The following GALNT14 variants were observed in gnomAD, a reference collection of about 807,000 sequenced individuals.
The protein encoded by GALNT14 is UDP-GalNAc:polypeptide N-acetylgalactosaminyltransferase 14.
In GALNT14, 60 loss-of-function variants were observed where a neutral mutation model predicts 77.5. The ratio of observed to expected loss-of-function variants is 0.77; its 90% CI spans 0.63 to 0.96. The LOEUF is 0.96. GALNT14 is among the 40% of genes least tolerant of loss of function. The pLI, the probability that GALNT14 is intolerant of heterozygous loss-of-function variation, is 0.00. For synonymous variants in GALNT14, 280 were observed against 281.7 expected (o/e 0.99, Z 0.06); for missense variants, 710 against 731.0 (o/e 0.97, Z 0.33).
chr2:30,959,114 C>A (rs557551439), intron 3 of GALNT14, among the ~76,000 whole-genome samples: 2 of 152,288 alleles, frequency 1.3e-5, no homozygotes, highest in South Asian at 2.1e-4. Flanking sequence ...CCTGCTGCTG[C>A]CGCTGCTTGA....
At chr2:30,980,110 T>G (rs1206907866) in intron 2 of GALNT14, among the ~76,000 whole-genome samples, 1 of 152,178 alleles carries the variant, frequency 6.6e-6, no homozygotes, top group Non-Finnish European at 1.5e-5. Context: ...TCTAAGGACT[T>G]CCCTGCTCAC....
intron 6 of GALNT14, among the ~76,000 whole-genome samples, chr2:30,949,435 G>GAT (rs1357111246): frequency 6.6e-6 from 1 of 152,120 alleles, no homozygotes; most frequent in Non-Finnish European, 1.5e-5. Flanking sequence ...GCCCCAGCAG[G>GAT]ATGTATCTTT....
chr2:30,990,545 C>T (rs557996977), intron 2 of GALNT14, among the ~76,000 whole-genome samples: 29 of 152,346 alleles, frequency 1.9e-4, no homozygotes, highest in African/African-American at 7.0e-4. Flanking sequence ...TGCTGGCAGT[C>T]TTTGGAGCTC....
intron 1 of GALNT14, chr2:31,129,744 T>C (rs1678886862): frequency 1.5e-6 from 1 of 663,680 alleles, no homozygotes; most frequent in African/African-American, 2.0e-5. Flanking sequence ...GGGACATCAA[T>C]GATTACTGTT....
intron 1 of GALNT14, among the ~76,000 whole-genome samples, chr2:31,135,311 C>T (rs913466769): frequency 1.3e-5 from 2 of 152,198 alleles, no homozygotes; most frequent in Non-Finnish European, 2.9e-5. Flanking sequence ...CCAGGTGATT[C>T]TGACATGCAG....
At chr2:31,081,712 A>G (rs952713143) in intron 1 of GALNT14, among the ~76,000 whole-genome samples, 6 of 152,252 alleles carry the variant, frequency 3.9e-5, no homozygotes, top group African/African-American at 1.4e-4. Context: ...AATAAATCAT[A>G]GCTTAAAAAT....
At chr2:31,002,701 G>C (rs1670438327) in intron 1 of GALNT14, among the ~76,000 whole-genome samples, 1 of 152,182 alleles carries the variant, frequency 6.6e-6, no homozygotes. Context: ...ATCACCATAT[G>C]CTCCCATATC....
At chr2:31,039,684 CT>C (rs67885943) in intron 1 of GALNT14, among the ~76,000 whole-genome samples, 61,474 of 151,592 alleles carry the variant, frequency 0.41, 12,563 homozygotes, top group East Asian at 0.54. Context: ...TAGAAGATCT[CT>C]TTTTTTTTCT....
chr2:31,137,926 G>A, intron 1 of GALNT14, 32 bp downstream of exon 1: 2 of 1,589,162 alleles, frequency 1.3e-6, no homozygotes, highest in Non-Finnish European at 8.6e-7. Flanking sequence ...GCAAGCCACC[G>A]CTCAGCGCCA....
intron 1 of GALNT14, among the ~76,000 whole-genome samples, chr2:31,038,085 T>TATATATATATATATATATATATA (rs1491282655): frequency 2.3e-3 from 88 of 38,846 alleles, no homozygotes; most frequent in African/African-American, 3.8e-3. Flanking sequence ...TATATATATA[T>TATATATATATATATATATATATA]TTTTTTTTTT....
At chr2:31,040,056 G>A (rs1021056697) in intron 1 of GALNT14, among the ~76,000 whole-genome samples, 2 of 152,040 alleles carry the variant, frequency 1.3e-5, no homozygotes, top group African/African-American at 4.8e-5. Context: ...ATGGAATTTT[G>A]GGTTCTTTTC....
intron 1 of GALNT14, among the ~76,000 whole-genome samples, chr2:31,078,765 A>AAAGCAGGC (rs1186890207): frequency 6.6e-6 from 1 of 152,178 alleles, no homozygotes; most frequent in Non-Finnish European, 1.5e-5. Flanking sequence ...TGCAGGCTGA[A>AAAGCAGGC]AAGCAGGCAA....
At chr2:31,048,439 C>G (rs1202750244) in intron 1 of GALNT14, among the ~76,000 whole-genome samples, 1 of 152,190 alleles carries the variant, frequency 6.6e-6, no homozygotes, top group Non-Finnish European at 1.5e-5. Context: ...TATTAGCAGA[C>G]AGTCCTAATG....
chr2:31,085,555 G>A (rs1173786854), intron 1 of GALNT14, among the ~76,000 whole-genome samples: 2 of 152,236 alleles, frequency 1.3e-5, no homozygotes, highest in African/African-American at 4.8e-5. Context: ...TGTGCTCCAT[G>A]CCACGGCACC....
At chr2:30,887,906 A>C in the GALNT14 span, among the ~76,000 whole-genome samples, 1 of 152,122 alleles carries the variant, frequency 6.6e-6, no homozygotes, top group Non-Finnish European at 1.5e-5. Flanking sequence ...AGGGTTTTCT[A>C]ACTTACTCAT....
chr2:30,946,233 CA>C (rs944182483), intron 6 of GALNT14, among the ~76,000 whole-genome samples: 8 of 152,132 alleles, frequency 5.3e-5, no homozygotes, highest in Admixed American at 4.6e-4. Context: ...CTCTAGGAGG[CA>C]GAGGACATAG....
intron 1 of GALNT14, among the ~76,000 whole-genome samples, chr2:31,053,149 G>A (rs1358088371): frequency 6.6e-6 from 1 of 152,120 alleles, no homozygotes; most frequent in East Asian, 1.9e-4. Flanking sequence ...GCATTTTTTG[G>A]ACCTATATGC....
At chr2:31,056,528 A>T (rs1342903844) in intron 1 of GALNT14, among the ~76,000 whole-genome samples, 1 of 152,150 alleles carries the variant, frequency 6.6e-6, no homozygotes, top group African/African-American at 2.4e-5. Context: ...ACAATCTAGT[A>T]CCTATGATTC....
the GALNT14 span, among the ~76,000 whole-genome samples, chr2:30,888,964 T>C: frequency 6.6e-6 from 1 of 151,044 alleles, no homozygotes; most frequent in Non-Finnish European, 1.5e-5. Flanking sequence ...GTGAGTCTTG[T>C]TATCTCCCAG....
Sources: allele counts gnomAD v4.1 joint callset (sites outside exome capture counted in the v4.1 genomes callset), GRCh38; gene constraint gnomAD v4.1.1; transcripts MANE v1.5; gene names NCBI Gene and HGNC (gene_info 2026-07-23, HGNC 2026-07-21).